The following EMB variants were observed in gnomAD, a reference collection of about 807,000 sequenced individuals.
The protein encoded by EMB is embigin, also known as embigin homolog.
In EMB, 31 loss-of-function variants were observed where a neutral mutation model predicts 41.4. That is an observed-to-expected ratio of 0.75 (90% CI 0.56 to 1.01). The LOEUF (loss-of-function observed/expected upper bound fraction) is 1.01, where lower values mean the gene tolerates loss of function less well. Among genes scored for constraint, EMB ranks in the 50% least tolerant of loss-of-function variants. The pLI, the probability that EMB is intolerant of heterozygous loss-of-function variation, is 0.00. For missense variants in EMB, 379 were observed against 388.3 expected (o/e 0.98, Z 0.20); for synonymous variants, 137 against 140.4 (o/e 0.98, Z 0.17).
At chr5:50,417,384 A>C (rs1171384008) in intron 2 of EMB, among the ~76,000 whole-genome samples, 1 of 152,240 alleles carries the variant, frequency 6.6e-6, no homozygotes, top group East Asian at 1.9e-4. Context: ...TTTATAAAAC[A>C]TAATACTAAT....
At chr5:50,427,407 A>C (rs1253148192) in intron 2 of EMB, among the ~76,000 whole-genome samples, 1 of 152,030 alleles carries the variant, frequency 6.6e-6, no homozygotes, top group Non-Finnish European at 1.5e-5. Flanking sequence ...AAATGTAACC[A>C]TTCAGTGCCC....
chr5:50,432,750 T>TAAAAAAAAAAAAAAAAAAAACAAG (rs35639181), intron 1 of EMB, among the ~76,000 whole-genome samples: 1 of 98,962 alleles, frequency 1.0e-5, no homozygotes, highest in Non-Finnish European at 1.9e-5. Flanking sequence ...GAAAAACAAG[T>TAAAAAAAAAAAAAAAAAAAACAAG]AAAAAAAAAA....
rs1488785353 is a variant in EMB at position 50,423,805 on chromosome 5, G to A, written c.196+4339C>T. 1.3e-4 allele frequency among the ~76,000 whole-genome samples: 20 copies of A among 152,156 alleles called. No individual in the cohort carries two copies. In the East Asian group the frequency reaches 1.7e-3, roughly 13 times the overall value. On this transcript the variant is annotated intron_variant, in intron 2 of 8. Transcript: ENST00000303221. ...CAGGCCCACGTCTTTAAATAATAAC[G>A]GAAATCTTTGGGGATTTGCAGGTTT...
intron 4 of EMB, among the ~76,000 whole-genome samples, chr5:50,406,209 AT>A (rs1011395659): frequency 6.6e-6 from 1 of 151,744 alleles, no homozygotes; most frequent in African/African-American, 2.4e-5. Context: ...TAGAGTAATT[AT>A]TTTCTTCAAA....
intron 7 of EMB, among the ~76,000 whole-genome samples, chr5:50,400,778 A>G (rs1450190731): frequency 6.6e-6 from 1 of 152,026 alleles, no homozygotes; most frequent in Non-Finnish European, 1.5e-5. Context: ...CATTGATCCA[A>G]TTTTCAGAAA....
Position 50,403,383 on chromosome 5 carries a change from T to A in EMB, c.672A>T (p.Ile224=). Residue 224 remains isoleucine, a synonymous_variant, in exon 6 of 9, where the codon ATA becomes ATT. Coordinates refer to ENST00000303221, the MANE Select transcript of EMB (RefSeq NM_198449.3). ...GTYANETKLK[I]TQLLEEDGES... is the part of the protein sequence containing the mutation. ...CCCCATCTTCCTCCAAAAGTTGTGT[T>A]ATCTTCAGCTTTGTTTCGTTAGCAT... is the stretch of plus-strand genomic sequence containing the variant. 3 of 1,612,696 alleles carry A rather than the reference T, an allele frequency of 1.9e-6. No individual in the cohort carries two copies. The highest frequency in any genetic ancestry group is 2.5e-6 in the Non-Finnish European group (3 of 1,179,148).
rs1221125310 is a variant in EMB, at chr5:50,396,854, A to G, written c.*2419T>C. The stretch of plus-strand genomic sequence containing the variant: ...CAATGGGATGGATTCATGAGCTATT[A>G]AAAAGGTCAAAGGAGCAGGGATTCA... On this transcript the variant is annotated 3_prime_UTR_variant, in exon 9 of 9. Coordinates refer to ENST00000303221, the MANE Select transcript of EMB (RefSeq NM_198449.3). 2 of 152,126 alleles carry G rather than the reference A, an allele frequency of 1.3e-5. No homozygotes were observed. The highest frequency in any genetic ancestry group is 4.8e-5 in the African/African-American group (2 of 41,424). 9.4% of individuals were successfully genotyped at this position (152,126 alleles called of 1,614,324 possible).
chr5:50,415,034 G>A (rs940030098), intron 2 of EMB, among the ~76,000 whole-genome samples: 8 of 151,958 alleles, frequency 5.3e-5, no homozygotes, highest in African/African-American at 1.5e-4. Context: ...AGGTGTCTAC[G>A]GAGCATCTAA....
At chr5:50,433,149 C>G in intron 1 of EMB, among the ~76,000 whole-genome samples, 1 of 151,924 alleles carries the variant, frequency 6.6e-6, no homozygotes, top group East Asian at 1.9e-4. Flanking sequence ...AAGTCAGAGA[C>G]AGATAACACT....
chr5:50,443,323 A>G (rs1434289373), upstream of EMB: 2 of 152,248 alleles, frequency 1.3e-5, no homozygotes, highest in Non-Finnish European at 2.9e-5. Context: ...TGGGCTCAAG[A>G]CGAAGAAATT....
At chr5:50,403,117 A>T in intron 6 of EMB, 61 bp downstream of exon 6, 1 of 1,423,814 alleles carries the variant, frequency 7.0e-7, no homozygotes, top group Non-Finnish European at 9.4e-7. Flanking sequence ...AGTAAATGAT[A>T]CTTATAATTA....
chr5:50,402,876 CAAAAAAA>C (rs564451334), intron 6 of EMB, among the ~76,000 whole-genome samples: 8 of 54,652 alleles, frequency 1.5e-4, no homozygotes, highest in African/African-American at 5.0e-4. Context: ...CCAGTAGCAC[CAAAAAAA>C]AAAAAAAAAA....
intron 2 of EMB, among the ~76,000 whole-genome samples, chr5:50,426,690 C>T (rs1401813793): frequency 6.6e-6 from 1 of 151,880 alleles, no homozygotes; most frequent in African/African-American, 2.4e-5. Context: ...AGTATTGTTT[C>T]TAGACAACAA....
At chr5:50,411,474 T>G (rs753841035) in intron 2 of EMB, 91 bp from the exon 3 acceptor site, 3 of 835,948 alleles carry the variant, frequency 3.6e-6, no homozygotes, top group Non-Finnish European at 5.2e-6. Context: ...CAGTGTTTCA[T>G]TGACAATTTC....
In EMB at chr5:50,403,200, T is replaced by C. The variant is rs145188624; in HGVS notation, c.855A>G (p.Thr285=). The part of the protein sequence containing the change: ...VATILLCEKY[T]QKKKKHSDEG... ...CACCTGAGTGCTTCTTTTTCTTTTGTGTGTACTTTTCACAAAGCAGAATGG... is the reference window on the plus strand; with the variant it reads ...CACCTGAGTGCTTCTTTTTCTTTTGCGTGTACTTTTCACAAAGCAGAATGG... The change falls in exon 6 of 9, where the codon ACA becomes ACG. Residue 285 remains threonine (T), a synonymous_variant. Coordinates refer to ENST00000303221, the MANE Select transcript of EMB (RefSeq NM_198449.3). 1.7e-4 allele frequency: 276 copies of C among 1,610,586 alleles called. 1 individual carries two copies. In the African/African-American group the frequency reaches 3.1e-3, roughly 18 times the overall value.
rs752789746 is a variant in EMB at position 50,428,245 on chromosome 5, CAT to C, written c.113-20_113-19del. ...AGGCGAATCTATAAGAGAAAGAACA[CAT>C]GATTACACACTCTTATCAAGAGTAA... On this transcript the variant is annotated intron_variant, in intron 1 of 8. Transcript: ENST00000303221. 2.6e-6 allele frequency: 4 copies of C among 1,540,358 alleles called. No individual in the cohort carries two copies. Among genetic ancestry groups the C allele is most frequent in the East Asian group, 2.2e-5 (1 of 44,482 alleles).
At chr5:50,416,629 C>T (rs190280390) in intron 2 of EMB, among the ~76,000 whole-genome samples, 300 of 152,168 alleles carry the variant, frequency 2.0e-3, no homozygotes, top group Non-Finnish European at 3.5e-3. Flanking sequence ...GTGACATATA[C>T]GACGGATTCG....
chr5:50,422,848 G>A (rs939117124), intron 2 of EMB, among the ~76,000 whole-genome samples: 1 of 152,092 alleles, frequency 6.6e-6, no homozygotes, highest in Non-Finnish European at 1.5e-5. Flanking sequence ...GTCAGGGAAA[G>A]GGGCCAACTG....
At chr5:50,415,324 G>A (rs1418230451) in intron 2 of EMB, among the ~76,000 whole-genome samples, 5 of 152,144 alleles carry the variant, frequency 3.3e-5, no homozygotes, top group Admixed American at 1.3e-4. Context: ...AACTCAAATT[G>A]TTTAACTGCC....
Sources: allele counts gnomAD v4.1 joint callset (sites outside exome capture counted in the v4.1 genomes callset), GRCh38; gene constraint gnomAD v4.1.1; transcripts MANE v1.5; gene names NCBI Gene and HGNC (gene_info 2026-07-23, HGNC 2026-07-21).